The following GALNT14 variants were observed in gnomAD, a reference collection of about 807,000 sequenced individuals.
GALNT14 encodes polypeptide N-acetylgalactosaminyltransferase 14.
GALNT14 carries 60 observed loss-of-function variants against 77.5 expected under a neutral mutation model. That is an observed-to-expected ratio of 0.77 (90% CI 0.63 to 0.96). GALNT14 has a LOEUF of 0.96. Among genes scored for constraint, GALNT14 ranks in the 40% least tolerant of loss-of-function variants. GALNT14 has a pLI of 0.00. For missense variants in GALNT14, 710 were observed against 731.0 expected, an observed-to-expected ratio of 0.97 and a Z score of 0.33; for synonymous variants, 280 against 281.7, an observed-to-expected ratio of 0.99 and a Z score of 0.06.
chr2:30,911,350 C>T (rs1346113164), intron 14 of GALNT14, among the ~76,000 whole-genome samples: 1 of 151,996 alleles, frequency 6.6e-6, no homozygotes, highest in Non-Finnish European at 1.5e-5. Context: ...GCGAGTTAGT[C>T]ACAGGAGCAA....
chr2:31,099,212 G>A (rs1210986401), intron 1 of GALNT14, among the ~76,000 whole-genome samples: 1 of 152,022 alleles, frequency 6.6e-6, no homozygotes, highest in Non-Finnish European at 1.5e-5. Flanking sequence ...GTAATGTTAA[G>A]TACATCTTTT....
At chr2:30,897,212 C>T in the GALNT14 span, among the ~76,000 whole-genome samples, 1 of 152,162 alleles carries the variant, frequency 6.6e-6, no homozygotes, top group African/African-American at 2.4e-5. Context: ...TGTGCTTGTG[C>T]TCCCGTTGTT....
chr2:30,942,792 C>CT (rs903509808), intron 8 of GALNT14, among the ~76,000 whole-genome samples: 6 of 152,096 alleles, frequency 3.9e-5, no homozygotes, highest in Middle Eastern at 3.4e-3. Context: ...GCTCTCTCTC[C>CT]TTTTTTTTCC....
intron 1 of GALNT14, among the ~76,000 whole-genome samples, chr2:31,134,557 C>A (rs1679141046): frequency 6.6e-6 from 1 of 152,242 alleles, no homozygotes; most frequent in South Asian, 2.1e-4. Flanking sequence ...TCTGCAACCA[C>A]CCAACACAGG....
chr2:30,941,884 G>A (rs1183745400), intron 9 of GALNT14, among the ~76,000 whole-genome samples: 1 of 152,136 alleles, frequency 6.6e-6, no homozygotes, highest in Non-Finnish European at 1.5e-5. Context: ...CAGACTTGGT[G>A]CTCCTCCTTG....
chr2:31,112,894 C>G (rs1458082719), intron 1 of GALNT14, among the ~76,000 whole-genome samples: 9 of 152,150 alleles, frequency 5.9e-5, no homozygotes. Flanking sequence ...TAGAAGTCCC[C>G]AAGTGATCCC....
At chr2:31,027,886 C>CTGTGTGTGTGTGTGTG (rs10562223) in intron 1 of GALNT14, among the ~76,000 whole-genome samples, 14,989 of 141,618 alleles carry the variant, frequency 0.11, 951 homozygotes, top group Admixed American at 0.18. Context: ...CAGATGTATT[C>CTGTGTGTGTGTGTGTG]TGTGTGTGTG....
At chr2:31,088,878 G>C (rs1411816474) in intron 1 of GALNT14, among the ~76,000 whole-genome samples, 1 of 152,178 alleles carries the variant, frequency 6.6e-6, no homozygotes, top group African/African-American at 2.4e-5. Flanking sequence ...GATTAGCGGA[G>C]GGGCTGGCTT....
intron 1 of GALNT14, among the ~76,000 whole-genome samples, chr2:31,075,200 T>C (rs1171343152): frequency 6.6e-6 from 1 of 152,212 alleles, no homozygotes; most frequent in Non-Finnish European, 1.5e-5. Flanking sequence ...TGCTTCCCCT[T>C]TGCCTTCTGC....
At chr2:31,134,066 A>T (rs938425849) in intron 1 of GALNT14, among the ~76,000 whole-genome samples, 1 of 152,102 alleles carries the variant, frequency 6.6e-6, no homozygotes, top group Non-Finnish European at 1.5e-5. Context: ...CTCTTTGGAG[A>T]TCCTGTCACT....
intron 1 of GALNT14, among the ~76,000 whole-genome samples, chr2:31,086,812 A>G (rs1397556507): frequency 1.3e-5 from 2 of 152,174 alleles, no homozygotes; most frequent in African/African-American, 4.8e-5. Flanking sequence ...TCATGGGTTC[A>G]CAGCCTGCAG....
chr2:30,937,828 T>G (rs534674693), intron 9 of GALNT14, among the ~76,000 whole-genome samples: 43 of 152,308 alleles, frequency 2.8e-4, no homozygotes, highest in African/African-American at 9.1e-4. Flanking sequence ...GTGGACATCT[T>G]TGGGAGGGCT....
At chr2:30,951,116 T>C (rs767712449) in intron 6 of GALNT14, among the ~76,000 whole-genome samples, 6 of 152,144 alleles carry the variant, frequency 3.9e-5, no homozygotes, top group Non-Finnish European at 8.8e-5. Context: ...TACACAAATA[T>C]TTATAACTGC....
At chr2:30,934,160 G>A (rs1051944545) in intron 9 of GALNT14, among the ~76,000 whole-genome samples, 5 of 152,172 alleles carry the variant, frequency 3.3e-5, no homozygotes, top group African/African-American at 7.2e-5. Context: ...TGTTTGAATC[G>A]TTTTTCACAT....
At chr2:31,097,667 GC>G (rs1309245144) in intron 1 of GALNT14, among the ~76,000 whole-genome samples, 1 of 152,054 alleles carries the variant, frequency 6.6e-6, no homozygotes, top group Non-Finnish European at 1.5e-5. Flanking sequence ...TTTCGTTTAA[GC>G]CTATTTGGGT....
At chr2:31,006,857 A>G (rs1670703475) in intron 1 of GALNT14, among the ~76,000 whole-genome samples, 1 of 152,252 alleles carries the variant, frequency 6.6e-6, no homozygotes, top group East Asian at 1.9e-4. Context: ...TCAGCTGAGC[A>G]GAATTTGTTC....
chr2:31,053,403 C>T (rs1432964070), intron 1 of GALNT14, among the ~76,000 whole-genome samples: 1 of 152,146 alleles, frequency 6.6e-6, no homozygotes, highest in East Asian at 1.9e-4. Flanking sequence ...GAACACCTCA[C>T]CCAAGTAAGT....
intron 8 of GALNT14, among the ~76,000 whole-genome samples, chr2:30,942,574 A>G (rs1666444142): frequency 6.6e-6 from 1 of 152,172 alleles, no homozygotes; most frequent in Admixed American, 6.5e-5. Flanking sequence ...ACTCATTAGC[A>G]TATCTCCCAT....
At chr2:31,038,684 G>A (rs1192655453) in intron 1 of GALNT14, among the ~76,000 whole-genome samples, 3 of 152,084 alleles carry the variant, frequency 2.0e-5, no homozygotes, top group African/African-American at 7.2e-5. Flanking sequence ...GCTGAGGAGA[G>A]GTGAATGGGA....
Sources: allele counts gnomAD v4.1 joint callset (sites outside exome capture counted in the v4.1 genomes callset), GRCh38; gene constraint gnomAD v4.1.1; transcripts MANE v1.5; gene names NCBI Gene and HGNC (gene_info 2026-07-23, HGNC 2026-07-21).